Variants in GDNF observed in about 807,000 individuals in gnomAD.
GDNF encodes glial cell line-derived neurotrophic factor.
GDNF carries 5 observed loss-of-function variants against 13.7 expected under a neutral mutation model. The ratio of observed to expected loss-of-function variants is 0.36; its 90% CI spans 0.19 to 0.77. The LOEUF (loss-of-function observed/expected upper bound fraction) is 0.77. Among genes scored for constraint, GDNF ranks in the 30% least tolerant of loss-of-function variants. The pLI is 0.51. For synonymous variants in GDNF, 122 were observed against 112.5 expected (o/e 1.08, Z -0.53); for missense variants, 246 against 274.3 (o/e 0.90, Z 0.73).
intron 2 of GDNF, among the ~76,000 whole-genome samples, chr5:37,833,156 A>T (rs760125653): frequency 1.3e-5 from 2 of 152,232 alleles, no homozygotes; most frequent in Non-Finnish European, 2.9e-5. Context: ...AATCAGGCAC[A>T]GTCATTTTTC....
chr5:37,817,134 C>T (rs1749961243), intron 2 of GDNF, among the ~76,000 whole-genome samples: 1 of 152,154 alleles, frequency 6.6e-6, no homozygotes, highest in African/African-American at 2.4e-5. Context: ...TTAGGGAGAT[C>T]ACATGGAGGA....
intron 2 of GDNF, among the ~76,000 whole-genome samples, chr5:37,818,487 G>A (rs752607088): frequency 3.3e-5 from 5 of 152,158 alleles, no homozygotes; most frequent in Non-Finnish European, 7.3e-5. Context: ...CAGCCATGTG[G>A]AACTGTGAGT....
chr5:37,834,447 G>A (rs186467985), intron 2 of GDNF, among the ~76,000 whole-genome samples, 199 bp downstream of exon 2: 2 of 152,316 alleles, frequency 1.3e-5, no homozygotes, highest in African/African-American at 2.4e-5. Flanking sequence ...AAACCAGCGC[G>A]TGTCACTTTC....
chr5:37,834,246 C>T (rs1750619244), intron 2 of GDNF, among the ~76,000 whole-genome samples: 1 of 152,250 alleles, frequency 6.6e-6, no homozygotes, highest in African/African-American at 2.4e-5. Context: ...CAGAATTAAG[C>T]ACAGCCAGGC....
In GDNF at chr5:37,838,001, T is replaced by G. The variant is rs923768928; in HGVS notation, c.-27+1506A>C. ...GGGTTTGCTATAAACTCGGTTTTTTTTTTTTTTTTTTTGGCGGGGGGAGGT... is the reference window on the plus strand; with the variant it reads ...GGGTTTGCTATAAACTCGGTTTTTTGTTTTTTTTTTTTGGCGGGGGGAGGT... On this transcript the variant is annotated intron_variant, in intron 1 of 2. Coordinates refer to ENST00000326524, the MANE Select transcript of GDNF (RefSeq NM_000514.4). The surrounding 1 kb of genome is among the most constrained non-coding windows in gnomAD (Gnocchi z 4.1). 3.3e-4 allele frequency among the ~76,000 whole-genome samples: 50 copies of G among 151,270 alleles called. No individual in the cohort carries two copies. The highest frequency in any genetic ancestry group is 2.1e-4 in the South Asian group (1 of 4,800).
Position 37,839,764 on chromosome 5 carries a change from C to A in GDNF, c.-284G>T, listed in dbSNP as rs1750832879. On this transcript the variant is annotated 5_prime_UTR_variant, in exon 1 of 3. Transcript: ENST00000326524. The surrounding 1 kb of genome is among the most constrained non-coding windows in gnomAD (Gnocchi z 5.5). Reference sequence around the variant, plus strand: ...CGCCGGGCCCCCGCACCCCCAGAAGCCGAGGTCCGAGCAGCCGCCGCTGCT... The same window carrying A: ...CGCCGGGCCCCCGCACCCCCAGAAGACGAGGTCCGAGCAGCCGCCGCTGCT... The A allele has an allele frequency of 6.6e-6, 1 of 152,254 alleles. No individual in the cohort carries two copies. Among genetic ancestry groups the A allele is most frequent in the Non-Finnish European group, 1.5e-5 (1 of 68,126 alleles). The allele number at this position is 152,254 out of a possible 1,614,324, so 9.4% of individuals were successfully genotyped here. A position where few individuals can be genotyped will look rare whatever the true frequency, so the allele number is the denominator to read the frequency against.
intron 2 of GDNF, among the ~76,000 whole-genome samples, 155 bp from the exon 3 acceptor site, chr5:37,816,290 CAG>C (rs1749929143): frequency 6.6e-6 from 1 of 152,172 alleles, no homozygotes; most frequent in Non-Finnish European, 1.5e-5. Flanking sequence ...TCCCCAAAAA[CAG>C]AGGCAAAAAT....
chr5:37,825,653 G>A (rs1462931964), intron 2 of GDNF, among the ~76,000 whole-genome samples: 1 of 152,178 alleles, frequency 6.6e-6, no homozygotes, highest in Admixed American at 6.5e-5. Context: ...TTGTGGGGGT[G>A]GTGGAGTCTC....
chr5:37,827,020 TACATCTAATCATG>T (rs1267620086), intron 2 of GDNF, among the ~76,000 whole-genome samples: 5 of 152,314 alleles, frequency 3.3e-5, no homozygotes, highest in African/African-American at 1.2e-4. Context: ...GATGTTTCCC[TACATCTAATCATG>T]TGGAAATAAT....
chr5:37,820,180 G>C (rs544640732), intron 2 of GDNF, among the ~76,000 whole-genome samples: 2 of 152,114 alleles, frequency 1.3e-5, no homozygotes, highest in African/African-American at 4.8e-5. Flanking sequence ...ATCAACTGAA[G>C]ATTAATCAGA....
Position 37,816,368 on chromosome 5 carries a change from A to G in GDNF, c.152-233T>C, listed in dbSNP as rs576385262. 2.0e-5 allele frequency among the ~76,000 whole-genome samples: 3 copies of G among 152,360 alleles called. No homozygotes were observed. The South Asian group carries it at 6.2e-4, about 32-fold the overall frequency. On this transcript the variant is annotated intron_variant, in intron 2 of 2. Coordinates refer to ENST00000326524, the MANE Select transcript of GDNF (RefSeq NM_000514.4). The stretch of plus-strand genomic sequence containing the variant: ...GTGGTGGTGACATACTTTCTCGAAG[A>G]AAACAAATCCTTAGAAGCATAGTTT...
Position 37,819,994 on chromosome 5 carries a change from G to T in GDNF, c.152-3859C>A, listed in dbSNP as rs554506287. ...AAAAAAACATGCTTGTATATAAATC[G>T]GAACTTATGAAACAGATCTATTAGG... On this transcript the variant is annotated intron_variant, in intron 2 of 2. Coordinates refer to ENST00000326524, the MANE Select transcript of GDNF (RefSeq NM_000514.4). 9.2e-5 allele frequency among the ~76,000 whole-genome samples: 14 copies of T among 152,084 alleles called. No homozygotes were observed. The South Asian group carries it at 2.5e-3, about 27-fold the overall frequency.
chr5:37,830,597 G>A (rs1186000675), intron 2 of GDNF, among the ~76,000 whole-genome samples: 3 of 152,186 alleles, frequency 2.0e-5, no homozygotes, highest in Admixed American at 2.0e-4. Context: ...GCAGCATCCT[G>A]GCAGATGTCG....
chr5:37,823,935 A>G (rs1159174804), intron 2 of GDNF: 2 of 358,254 alleles, frequency 5.6e-6, no homozygotes, highest in Non-Finnish European at 7.8e-6. Flanking sequence ...CAGCTCAGCC[A>G]GTACCATCAG....
At chr5:37,825,018 G>T (rs1750258839) in intron 2 of GDNF, among the ~76,000 whole-genome samples, 1 of 152,186 alleles carries the variant, frequency 6.6e-6, no homozygotes, top group Admixed American at 6.5e-5. Context: ...CAACCAGAAT[G>T]CAAATCACTT....
chr5:37,823,498 A>T (rs1000561580), intron 2 of GDNF: 4 of 152,216 alleles, frequency 2.6e-5, no homozygotes, highest in Admixed American at 1.3e-4. Flanking sequence ...AGGAAAAGCC[A>T]TGCTACTCAG....
intron 2 of GDNF, among the ~76,000 whole-genome samples, chr5:37,816,558 T>C (rs957724532): frequency 1.3e-5 from 2 of 152,198 alleles, no homozygotes; most frequent in African/African-American, 4.8e-5. Flanking sequence ...CCATGCAGAT[T>C]CTTGGCCCTA....
At chr5:37,824,002 C>A (rs1750225642) in intron 2 of GDNF, 2 of 955,434 alleles carry the variant, frequency 2.1e-6, no homozygotes, top group African/African-American at 3.5e-5. Context: ...TTGACCTCTT[C>A]AGTTTACCTC....
intron 1 of GDNF, among the ~76,000 whole-genome samples, chr5:37,836,308 C>G (rs1429034153): frequency 6.6e-6 from 1 of 152,134 alleles, no homozygotes; most frequent in Non-Finnish European, 1.5e-5. Flanking sequence ...TTCCAGGGTT[C>G]CAGTCCTCAT....
Sources: gnomAD v4.1 joint callset for allele counts (sites outside exome capture counted in the v4.1 genomes callset) on GRCh38, gnomAD v4.1.1 for gene constraint, Gnocchi (gnomAD v3.1) non-coding constraint, MANE v1.5 for transcripts, NCBI Gene and HGNC (gene_info 2026-07-23, HGNC 2026-07-21) for gene names.